CRACDL: variants seen among roughly 807,000 people sequenced by gnomAD.
CRACDL encodes CRACD-like protein.
Under a neutral mutation model 70.6 loss-of-function variants are expected in CRACDL, and 26 were observed. The observed-to-expected ratio is 0.37, with a 90% CI of 0.27 to 0.51. The LOEUF (loss-of-function observed/expected upper bound fraction) is 0.51. Among genes scored for constraint, CRACDL ranks in the 20% least tolerant of loss-of-function variants. The probability of loss-of-function intolerance (pLI) is 0.94; values close to 1 mark genes in which losing one functional copy is unlikely to be tolerated. For missense variants in CRACDL, 1,283 were observed against 1,376.9 expected, an observed-to-expected ratio of 0.93 and a Z score of 1.08; for synonymous variants, 618 against 615.2, an observed-to-expected ratio of 1.00 and a Z score of -0.07.
At chr2:98,905,627 A>ATT (rs34712128) in intron 1 of CRACDL, among the ~76,000 whole-genome samples, 8 of 130,734 alleles carry the variant, frequency 6.1e-5, no homozygotes, top group East Asian at 2.2e-4. Flanking sequence ...GTGTTACCTC[A>ATT]TTTTTTTTTT....
At chr2:98,910,268 C>T (rs935470381) in intron 1 of CRACDL, among the ~76,000 whole-genome samples, 4 of 152,076 alleles carry the variant, frequency 2.6e-5, no homozygotes, top group African/African-American at 9.7e-5. Flanking sequence ...ACCTGTAATC[C>T]CAGCACTTTG....
intron 7 of CRACDL, among the ~76,000 whole-genome samples, chr2:98,819,880 C>T (rs975843016): frequency 5.3e-5 from 7 of 131,574 alleles, no homozygotes; most frequent in East Asian, 2.3e-4. Context: ...AGTGCAGTGG[C>T]GTGATCTCGG....
chr2:98,919,967 T>G (rs1708761523), intron 1 of CRACDL, among the ~76,000 whole-genome samples: 1 of 152,144 alleles, frequency 6.6e-6, no homozygotes, highest in Admixed American at 6.5e-5. Context: ...TTGCTCAGGT[T>G]CGTCTTGAAC....
At chr2:98,837,325 CAAG>C (rs1246170999) in intron 3 of CRACDL, among the ~76,000 whole-genome samples, 1 of 151,376 alleles carries the variant, frequency 6.6e-6, no homozygotes, top group African/African-American at 2.4e-5. Context: ...GGGGCGAGAG[CAAG>C]AGAGGGGACA....
chr2:98,909,485 T>C (rs1052403712), intron 1 of CRACDL, among the ~76,000 whole-genome samples: 1 of 152,268 alleles, frequency 6.6e-6, no homozygotes, highest in East Asian at 1.9e-4. Context: ...AATGTTTCCA[T>C]GTAATCTGGA....
intron 1 of CRACDL, among the ~76,000 whole-genome samples, chr2:98,863,764 G>T (rs1440640098): frequency 1.3e-5 from 2 of 152,110 alleles, no homozygotes; most frequent in Non-Finnish European, 2.9e-5. Context: ...TTTATGATGG[G>T]TATATCAGGA....
intron 7 of CRACDL, among the ~76,000 whole-genome samples, chr2:98,808,671 A>C (rs997548131): frequency 6.6e-6 from 1 of 151,548 alleles, no homozygotes; most frequent in South Asian, 2.1e-4. Flanking sequence ...CTCAGACCTC[A>C]CCTCCTGCCA....
intron 1 of CRACDL, among the ~76,000 whole-genome samples, chr2:98,883,088 G>C (rs1221434253): frequency 6.6e-6 from 1 of 152,236 alleles, no homozygotes; most frequent in African/African-American, 2.4e-5. Flanking sequence ...GAGTGAGACA[G>C]ACATAGGCAG....
chr2:98,819,615 G>T (rs1210017869), intron 7 of CRACDL, among the ~76,000 whole-genome samples: 4 of 152,134 alleles, frequency 2.6e-5, no homozygotes, highest in East Asian at 1.9e-4. Context: ...ATCCTTGTGT[G>T]TCACGTTAGG....
Position 98,928,647 on chromosome 2 carries a change from T to C in CRACDL, c.-11+7291A>G, listed in dbSNP as rs74428276. ...CAGTCATTTCTGTTCTAGAATGTGG[T>C]ACCAGAGAAGCCCCTCGCACCAGCA... On this transcript the variant is annotated intron_variant, in intron 1 of 9. Coordinates refer to ENST00000397899, the MANE Select transcript of CRACDL (RefSeq NM_207362.3). Among the ~76,000 whole-genome samples, 20 of 152,286 alleles carry C rather than the reference T, an allele frequency of 1.3e-4. No individual in the cohort carries two copies. The East Asian group carries it at 3.9e-3, about 29-fold the overall frequency.
At chr2:98,853,255 A>G (rs866859035) in intron 1 of CRACDL, among the ~76,000 whole-genome samples, 7 of 152,222 alleles carry the variant, frequency 4.6e-5, no homozygotes, top group African/African-American at 1.7e-4. Context: ...ACAGCCAGAG[A>G]AAAATGACAC....
intron 7 of CRACDL, 24 bp downstream of exon 7, chr2:98,821,833 C>G: frequency 6.2e-7 from 1 of 1,605,378 alleles, no homozygotes; most frequent in South Asian, 1.1e-5. Flanking sequence ...CCCTGCCCTT[C>G]CCGCACCCTC....
intron 1 of CRACDL, among the ~76,000 whole-genome samples, chr2:98,889,663 C>T (rs1707910433): frequency 6.6e-6 from 1 of 152,158 alleles, no homozygotes; most frequent in African/African-American, 2.4e-5. Flanking sequence ...GCCAACTAGA[C>T]CTAGCAGACA....
intron 5 of CRACDL, 79 bp downstream of exon 5, chr2:98,832,269 C>T: frequency 6.7e-7 from 1 of 1,501,250 alleles, no homozygotes; most frequent in Non-Finnish European, 9.3e-7. Flanking sequence ...CTTAGGGGCA[C>T]ACACAGGGGA....
chr2:98,803,244 C>T (rs1026256844), intron 7 of CRACDL, among the ~76,000 whole-genome samples: 2 of 152,158 alleles, frequency 1.3e-5, no homozygotes, highest in African/African-American at 4.8e-5. Context: ...TCGTGATCCA[C>T]CCGCCTCAGC....
rs1708077085 is a variant in CRACDL at position 98,894,868 on chromosome 2, G to C, written c.-11+41070C>G. On this transcript the variant is annotated intron_variant, in intron 1 of 9. Coordinates refer to ENST00000397899, the MANE Select transcript of CRACDL (RefSeq NM_207362.3). ...TGTCTGTAATCTCAGCACTTTGGGA[G>C]GCAGAGGTGGGAGGATTACCTGAGC... Among the ~76,000 whole-genome samples the C allele has an allele frequency of 2.0e-5, 3 of 152,222 alleles. No homozygotes were observed. The East Asian group carries it at 5.8e-4, about 30-fold the overall frequency.
intron 1 of CRACDL, among the ~76,000 whole-genome samples, chr2:98,869,628 G>T (rs1707272276): frequency 6.6e-6 from 1 of 152,192 alleles, no homozygotes. Flanking sequence ...TTCTGAGCCA[G>T]ACACACCCAG....
In CRACDL at chr2:98,822,036, C is replaced by G; in HGVS notation, c.2237G>C (p.Gly746Ala). 3 of 1,544,376 alleles carry G rather than the reference C, an allele frequency of 1.9e-6. No individual in the cohort carries two copies. Among genetic ancestry groups the G allele is most frequent in the Non-Finnish European group, 1.7e-6 (2 of 1,144,258 alleles). ...LRGTRAPSDQ[G>A]KGKARPPEPL... ...CTCGGGGGGCCGGGCCTTCCCCTTT[C>G]CTTGGTCGCTGGGGGCCCTGGTGCC... The change falls in exon 7 of 10, where the codon GGA (glycine) becomes GCA (alanine). Residue 746 changes from glycine to alanine, a missense_variant. Around this residue, in one of 2 missense-constraint regions of CRACDL, gnomAD observed 921 missense variants for 881.9 expected, o/e 1.04. Coordinates refer to ENST00000397899, the MANE Select transcript of CRACDL (RefSeq NM_207362.3). This position sits in a 1 kb window ranked among gnomAD's most constrained non-coding sequence, Gnocchi z 4.9.
At chr2:98,848,242 T>C (rs1382546318) in intron 1 of CRACDL, among the ~76,000 whole-genome samples, 1 of 152,212 alleles carries the variant, frequency 6.6e-6, no homozygotes, top group Non-Finnish European at 1.5e-5. Flanking sequence ...AGAATGATAG[T>C]AGTTCTAGGC....
Sources: allele counts gnomAD v4.1 joint callset (sites outside exome capture counted in the v4.1 genomes callset), GRCh38; gene constraint gnomAD v4.1.1; regional missense constraint gnomAD v4.1.1; non-coding constraint Gnocchi (gnomAD v3.1); transcripts MANE v1.5; gene names NCBI Gene and HGNC (gene_info 2026-07-23, HGNC 2026-07-21).